Variants in DCAF4 observed in about 807,000 individuals in gnomAD.
The protein encoded by DCAF4 is DDB1- and CUL4-associated factor 4.
A neutral mutation model predicts 60.9 loss-of-function variants in DCAF4; 37 were observed. The observed-to-expected ratio is 0.61, with a 90% confidence interval of 0.47 to 0.80. DCAF4 has a LOEUF of 0.80. Ranked by LOEUF, DCAF4 falls within the 30% of genes least tolerant of loss-of-function variation. The pLI is 0.00. For synonymous variants in DCAF4, 243 were observed against 254.8 expected, an observed-to-expected ratio of 0.95 and a Z score of 0.44; for missense variants, 577 against 650.0, an observed-to-expected ratio of 0.89 and a Z score of 1.22.
At chr14:72,958,546 C>A in intron 13 of DCAF4, 66 bp from the exon 14 acceptor site, 1 of 1,583,812 alleles carries the variant, frequency 6.3e-7, no homozygotes, top group Non-Finnish European at 8.7e-7. Flanking sequence ...AAGCCATGTC[C>A]ACATGTAGGT....
At chr14:72,935,344 A>T (rs10148121) in intron 1 of DCAF4, among the ~76,000 whole-genome samples, 111,022 of 151,592 alleles carry the variant, frequency 0.73, 40,978 homozygotes, top group Non-Finnish European at 0.78. Flanking sequence ...AACCTCCGCC[A>T]CCTGGGTTCA....
At chr14:72,939,277 T>C (rs2140227908) in intron 2 of DCAF4, among the ~76,000 whole-genome samples, 1 of 152,296 alleles carries the variant, frequency 6.6e-6, no homozygotes, top group Non-Finnish European at 1.5e-5. Context: ...TACTTGTGGA[T>C]TTACAAATCA....
chr14:72,950,576 G>A (rs561355583), intron 8 of DCAF4, among the ~76,000 whole-genome samples: 279 of 152,150 alleles, frequency 1.8e-3, no homozygotes, highest in Middle Eastern at 3.4e-3. Flanking sequence ...GTTTGGCTAT[G>A]AGGGGAAAAG....
intron 13 of DCAF4, chr14:72,958,239 C>T: frequency 3.2e-6 from 1 of 315,904 alleles, no homozygotes; most frequent in Non-Finnish European, 6.0e-6. Context: ...CACCACTGCA[C>T]TCCAGCCCGG....
At chr14:72,949,885 G>C (rs1172056991) in intron 8 of DCAF4, among the ~76,000 whole-genome samples, 1 of 152,238 alleles carries the variant, frequency 6.6e-6, no homozygotes, top group Non-Finnish European at 1.5e-5. Context: ...AGTATATGCA[G>C]TTGCAAGGAG....
chr14:72,954,026 A>G, intron 9 of DCAF4, 138 bp from the exon 10 acceptor site: 1 of 866,894 alleles, frequency 1.2e-6, no homozygotes, highest in Non-Finnish European at 1.8e-6. Flanking sequence ...TCTCTCTTGC[A>G]ACCACAAAAC....
At chr14:72,943,953 C>T (rs1030042564) in intron 6 of DCAF4, among the ~76,000 whole-genome samples, 2 of 152,146 alleles carry the variant, frequency 1.3e-5, no homozygotes, top group African/African-American at 2.4e-5. Flanking sequence ...TGTTGGGGAC[C>T]GGGCCCACAT....
intron 4 of DCAF4, 139 bp downstream of exon 4, chr14:72,940,516 C>T (rs1889889827): frequency 2.0e-5 from 16 of 819,956 alleles, no homozygotes; most frequent in Non-Finnish European, 2.8e-5. Flanking sequence ...TAGCTTTTCC[C>T]TGACAGGAAG....
At chr14:72,952,149 C>T (rs546005128) in intron 9 of DCAF4, among the ~76,000 whole-genome samples, 3 of 152,338 alleles carry the variant, frequency 2.0e-5, no homozygotes, top group Admixed American at 1.3e-4. Context: ...CGCCCGTGCA[C>T]ATCATTCAGA....
At chr14:72,956,966 A>G (rs1040585110) in intron 13 of DCAF4, 1 of 188,142 alleles carries the variant, frequency 5.3e-6, no homozygotes, top group African/African-American at 2.4e-5. Context: ...TAATCCCAAC[A>G]CTTTGGGAGG....
chr14:72,945,524 A>G (rs746199185), intron 6 of DCAF4, among the ~76,000 whole-genome samples: 1 of 149,870 alleles, frequency 6.7e-6, no homozygotes, highest in Non-Finnish European at 1.5e-5. Context: ...CATTTTTCCT[A>G]TTGCGCCACA....
intron 6 of DCAF4, among the ~76,000 whole-genome samples, chr14:72,944,327 T>C (rs773709696): frequency 6.6e-5 from 10 of 152,182 alleles, no homozygotes; most frequent in Non-Finnish European, 1.2e-4. Context: ...TCTGGGAACA[T>C]AACTTCTTCC....
chr14:72,938,492 G>A (rs576707871), intron 2 of DCAF4, among the ~76,000 whole-genome samples: 40 of 152,276 alleles, frequency 2.6e-4, no homozygotes, highest in Non-Finnish European at 2.1e-4. Context: ...CTCATGCTTC[G>A]CTTAACAAGG....
At chr14:72,937,786 A>C (rs1889488475) in intron 1 of DCAF4, among the ~76,000 whole-genome samples, 185 bp from the exon 2 acceptor site, 1 of 152,000 alleles carries the variant, frequency 6.6e-6, no homozygotes, top group Admixed American at 6.6e-5. Context: ...AGGAAGTGGG[A>C]AGGATGTTGG....
intron 1 of DCAF4, among the ~76,000 whole-genome samples, chr14:72,928,128 C>G (rs1290674247): frequency 7.0e-6 from 1 of 142,168 alleles, no homozygotes; most frequent in Non-Finnish European, 1.5e-5. Flanking sequence ...TTCAGCTTTA[C>G]AGACCAGTGG....
At chr14:72,949,304 C>A (rs958491996) in intron 8 of DCAF4, among the ~76,000 whole-genome samples, 1 of 152,040 alleles carries the variant, frequency 6.6e-6, no homozygotes, top group East Asian at 1.9e-4. Context: ...TAATAAAATT[C>A]TATTAGCTGA....
Position 72,935,261 on chromosome 14 carries a change from A to ATT in DCAF4, c.-8-2700_-8-2699dup, listed in dbSNP as rs34981002. ...CTATTAGTATGTGACTTTTTAAATG[A>ATT]TTTTTTTTTTTGAGACGGAGTTTCA... is the stretch of plus-strand genomic sequence containing the variant. On this transcript the variant is annotated intron_variant, in intron 1 of 13. Transcript: ENST00000358377. 6.4e-3 allele frequency: 943 copies of ATT among 148,092 alleles called. 3 individuals are homozygous for ATT. Among genetic ancestry groups the ATT allele is most frequent in the African/African-American group, 8.4e-3 (340 of 40,360 alleles). 9.2% of individuals were successfully genotyped at this position (148,092 alleles called of 1,614,324 possible). A position where few individuals can be genotyped will look rare whatever the true frequency, so the allele number is the denominator to read the frequency against.
intron 8 of DCAF4, among the ~76,000 whole-genome samples, chr14:72,947,689 CA>C (rs1890917453): frequency 6.6e-6 from 1 of 152,166 alleles, no homozygotes; most frequent in South Asian, 2.1e-4. Context: ...GTCAGGAGAG[CA>C]GGGTCCTCCT....
intron 1 of DCAF4, among the ~76,000 whole-genome samples, chr14:72,929,312 C>T (rs531080701): frequency 1.3e-5 from 2 of 152,318 alleles, no homozygotes; most frequent in Admixed American, 1.3e-4. Context: ...GAGAGAGAGC[C>T]GACCTCCTCA....
Sources: allele counts gnomAD v4.1 joint callset (sites outside exome capture counted in the v4.1 genomes callset), GRCh38; gene constraint gnomAD v4.1.1; transcripts MANE v1.5; gene names NCBI Gene and HGNC (gene_info 2026-07-23, HGNC 2026-07-21).